CHRM3: variants seen among roughly 807,000 people sequenced by gnomAD.
The protein encoded by CHRM3 is cholinergic receptor muscarinic 3.
Under a neutral mutation model 41.8 loss-of-function variants are expected in CHRM3, and 11 were observed. The ratio of observed to expected loss-of-function variants is 0.26; its 90% CI spans 0.17 to 0.44. The LOEUF is 0.44. Ranked by LOEUF, CHRM3 falls within the 20% of genes least tolerant of loss-of-function variation. The probability of loss-of-function intolerance (pLI) is 1.00; values close to 1 mark genes in which losing one functional copy is unlikely to be tolerated. For synonymous variants in CHRM3, 297 were observed against 301.4 expected, an observed-to-expected ratio of 0.99 and a Z score of 0.15; for missense variants, 571 against 745.4, an observed-to-expected ratio of 0.77 and a Z score of 2.72.
intron 6 of CHRM3, among the ~76,000 whole-genome samples, chr1:239,906,901 T>A (rs1680010664): frequency 6.6e-6 from 1 of 152,210 alleles, no homozygotes; most frequent in South Asian, 2.1e-4. Context: ...ATAGTGTGAA[T>A]TGATTTACAT....
At chr1:239,569,300 A>C (rs1246810401) in intron 3 of CHRM3, among the ~76,000 whole-genome samples, 1 of 152,184 alleles carries the variant, frequency 6.6e-6, no homozygotes, top group African/African-American at 2.4e-5. Flanking sequence ...TGACAGATAA[A>C]GCTTTCAAGA....
chr1:239,773,157 G>C (rs896864541), intron 5 of CHRM3, among the ~76,000 whole-genome samples: 1 of 152,090 alleles, frequency 6.6e-6, no homozygotes, highest in Non-Finnish European at 1.5e-5. Flanking sequence ...ATCTAGGAAA[G>C]GGTTACTCAC....
At chr1:239,598,008 C>T (rs1665008158) in intron 3 of CHRM3, among the ~76,000 whole-genome samples, 1 of 152,064 alleles carries the variant, frequency 6.6e-6, no homozygotes. Flanking sequence ...TAGACATTCA[C>T]TTCTGCATCA....
chr1:239,804,060 G>A (rs1291472065), intron 5 of CHRM3, among the ~76,000 whole-genome samples: 1 of 152,198 alleles, frequency 6.6e-6, no homozygotes, highest in East Asian at 1.9e-4. Flanking sequence ...AAGGCATTGT[G>A]GCAACAGGAG....
At chr1:239,403,044 T>C (rs922801322) in intron 1 of CHRM3, among the ~76,000 whole-genome samples, 5 of 152,206 alleles carry the variant, frequency 3.3e-5, no homozygotes, top group Non-Finnish European at 5.9e-5. Flanking sequence ...TCTTTTTCAA[T>C]CCCCATGCTC....
At chr1:239,647,006 T>A (rs1671795318) in intron 4 of CHRM3, among the ~76,000 whole-genome samples, 1 of 152,148 alleles carries the variant, frequency 6.6e-6, no homozygotes, top group African/African-American at 2.4e-5. Context: ...GAAATGTGGA[T>A]CTTATCCCTT....
intron 5 of CHRM3, among the ~76,000 whole-genome samples, chr1:239,718,208 C>T (rs561667540): frequency 3.3e-5 from 5 of 152,030 alleles, no homozygotes; most frequent in Admixed American, 6.6e-5. Flanking sequence ...TTGAACACTG[C>T]GCAGAAGGTA....
chr1:239,530,550 TATA>T (rs748197653), intron 2 of CHRM3, among the ~76,000 whole-genome samples: 10 of 152,144 alleles, frequency 6.6e-5, no homozygotes, highest in Non-Finnish European at 1.3e-4. Flanking sequence ...TGAAACTAGG[TATA>T]CAAACGTCAG....
At chr1:239,559,441 T>C (rs1236279510) in intron 3 of CHRM3, among the ~76,000 whole-genome samples, 2 of 152,202 alleles carry the variant, frequency 1.3e-5, no homozygotes, top group African/African-American at 2.4e-5. Context: ...TTTCCCTAAT[T>C]GCTTCATTTC....
At chr1:239,563,733 A>G (rs752432947) in intron 3 of CHRM3, among the ~76,000 whole-genome samples, 2 of 152,148 alleles carry the variant, frequency 1.3e-5, no homozygotes, top group Non-Finnish European at 2.9e-5. Flanking sequence ...AGAGGTAAGT[A>G]CTCATCTGAC....
intron 2 of CHRM3, among the ~76,000 whole-genome samples, chr1:239,523,602 C>G (rs774287122): frequency 6.6e-6 from 1 of 152,144 alleles, no homozygotes; most frequent in Non-Finnish European, 1.5e-5. Context: ...ATGACCCTCT[C>G]TTGTTGTCAT....
At chr1:239,713,593 G>A (rs1397526979) in intron 5 of CHRM3, among the ~76,000 whole-genome samples, 2 of 152,160 alleles carry the variant, frequency 1.3e-5, no homozygotes, top group Non-Finnish European at 2.9e-5. Context: ...TCACATTGAT[G>A]AGAAGCATCC....
intron 1 of CHRM3, among the ~76,000 whole-genome samples, chr1:239,450,098 C>T (rs1378341793): frequency 6.6e-6 from 1 of 152,174 alleles, no homozygotes; most frequent in Non-Finnish European, 1.5e-5. Flanking sequence ...TTTTGCCCTT[C>T]CTCCTCCCCG....
chr1:239,517,207 A>G (rs1412664676), intron 2 of CHRM3, among the ~76,000 whole-genome samples: 1 of 152,166 alleles, frequency 6.6e-6, no homozygotes, highest in South Asian at 2.1e-4. Flanking sequence ...AAAGGAGACA[A>G]TGTATGTAAA....
At chr1:239,651,734 G>A (rs1457650192) in intron 4 of CHRM3, among the ~76,000 whole-genome samples, 1 of 152,172 alleles carries the variant, frequency 6.6e-6, no homozygotes, top group Non-Finnish European at 1.5e-5. Flanking sequence ...TACCCTTGTA[G>A]TAAGGGTTAA....
intron 3 of CHRM3, among the ~76,000 whole-genome samples, chr1:239,592,937 G>A (rs141207515): frequency 8.6e-5 from 13 of 151,866 alleles, no homozygotes; most frequent in South Asian, 2.1e-4. Context: ...CCCCAGATCC[G>A]CTCCTCCCCC....
intron 6 of CHRM3, among the ~76,000 whole-genome samples, chr1:239,899,593 A>G (rs955327748): frequency 6.6e-6 from 1 of 151,898 alleles, no homozygotes; most frequent in African/African-American, 2.4e-5. Flanking sequence ...AGTAAGTTCA[A>G]CATGCAATGT....
Position 239,634,429 on chromosome 1 carries a change from GA to G in CHRM3, c.-250+2151del, listed in dbSNP as rs562788333. ...AGGAAAGAAAGAAGAAAAGAAAAGA[GA>G]AAAAAAAGAACAGAAAAGAAAAAGA... On this transcript the variant is annotated intron_variant, in intron 4 of 6. Coordinates refer to ENST00000676153, the MANE Select transcript of CHRM3 (RefSeq NM_001375978.1). 1.6e-3 allele frequency among the ~76,000 whole-genome samples: 191 copies of G among 117,700 alleles called. 1 individual carries two copies. The South Asian group carries it at 0.021, about 13-fold the overall frequency. 77.2% of individuals were successfully genotyped at this position (117,700 alleles called of 152,430 possible).
chr1:239,895,803 A>G (rs1678951723), intron 6 of CHRM3, among the ~76,000 whole-genome samples: 1 of 152,100 alleles, frequency 6.6e-6, no homozygotes, highest in African/African-American at 2.4e-5. Context: ...AACAACATAT[A>G]CCAGGGCCAT....
Sources: allele counts gnomAD v4.1 joint callset (sites outside exome capture counted in the v4.1 genomes callset), GRCh38; gene constraint gnomAD v4.1.1; transcripts MANE v1.5; gene names NCBI Gene and HGNC (gene_info 2026-07-23, HGNC 2026-07-21).